TNFRSF11B: variants seen among roughly 807,000 people sequenced by gnomAD.
TNFRSF11B encodes the protein tumor necrosis factor receptor superfamily member 11B.
Under a neutral mutation model 43.4 loss-of-function variants are expected in TNFRSF11B, and 16 were observed. That is an observed-to-expected ratio of 0.37 (90% CI 0.25 to 0.56). The LOEUF (loss-of-function observed/expected upper bound fraction) is 0.56, where lower values mean the gene tolerates loss of function less well. TNFRSF11B is among the 20% of genes least tolerant of loss of function. The probability of loss-of-function intolerance (pLI) is 0.80; values close to 1 mark genes in which losing one functional copy is unlikely to be tolerated. For synonymous variants in TNFRSF11B, 185 were observed against 181.8 expected, an observed-to-expected ratio of 1.02 and a Z score of -0.14; for missense variants, 444 against 490.1, an observed-to-expected ratio of 0.91 and a Z score of 0.89.
At chr8:118,929,679 T>C (rs1812298860) in intron 2 of TNFRSF11B, among the ~76,000 whole-genome samples, 1 of 151,536 alleles carries the variant, frequency 6.6e-6, no homozygotes, top group Non-Finnish European at 1.5e-5. Context: ...GCAGAAAAAC[T>C]TGAACCAGTC....
At chr8:118,950,681 T>C (rs1490664628) in intron 1 of TNFRSF11B, among the ~76,000 whole-genome samples, 1 of 152,208 alleles carries the variant, frequency 6.6e-6, no homozygotes, top group East Asian at 1.9e-4. Flanking sequence ...TCTCTAGCGA[T>C]GAAGTTATAC....
In TNFRSF11B at chr8:118,933,271, G is replaced by T. The variant is rs1204019933; in HGVS notation, c.60C>A (p.Thr20=). 6.2e-7 allele frequency: 1 copy of T among 1,613,926 alleles called. No individual in the cohort carries two copies. Among genetic ancestry groups the T allele is most frequent in the Non-Finnish European group, 8.5e-7 (1 of 1,180,028 alleles). ...GGTACTTTGGAGGAAACGTTTCCTGGGTGGTCCACTTAATGGAGATGTCCA... is the reference window on the plus strand; with the variant it reads ...GGTACTTTGGAGGAAACGTTTCCTGTGTGGTCCACTTAATGGAGATGTCCA... ...VFLDISIKWT[T]QETFPPKYLH... Residue 20 remains threonine (T), a synonymous_variant, in exon 2 of 5, where the codon ACC becomes ACA. Coordinates refer to ENST00000297350, the MANE Select transcript of TNFRSF11B (RefSeq NM_002546.4).
chr8:118,934,842 A>G (rs1053937700), intron 1 of TNFRSF11B, among the ~76,000 whole-genome samples: 2 of 152,206 alleles, frequency 1.3e-5, no homozygotes, highest in African/African-American at 4.8e-5. Flanking sequence ...CAAGCTAGGG[A>G]AACAGCACAC....
intron 3 of TNFRSF11B, 51 bp downstream of exon 3, chr8:118,928,681 CAGAGAG>C: frequency 6.3e-7 from 1 of 1,583,514 alleles, no homozygotes; most frequent in Non-Finnish European, 8.7e-7. Flanking sequence ...GTGTTCAACT[CAGAGAG>C]AGAGATGATA....
At chr8:118,928,043 T>TGTGA (rs1175038768) in intron 3 of TNFRSF11B, among the ~76,000 whole-genome samples, 1 of 150,902 alleles carries the variant, frequency 6.6e-6, no homozygotes, top group African/African-American at 2.4e-5. Flanking sequence ...TGTGTGTGTG[T>TGTGA]GATGAAATCT....
chr8:118,931,980 C>T (rs1812336511), intron 2 of TNFRSF11B, among the ~76,000 whole-genome samples: 3 of 152,096 alleles, frequency 2.0e-5, no homozygotes, highest in Admixed American at 1.3e-4. Context: ...AGGGGTGCTG[C>T]CAAAATTCTA....
rs143749760 is a variant in TNFRSF11B at position 118,929,321 on chromosome 8, A to G, written c.401-392T>C. Among the ~76,000 whole-genome samples the G allele has an allele frequency of 6.5e-3, 989 of 152,384 alleles. 8 individuals carry two copies. The highest frequency in any genetic ancestry group is 0.014 in the Middle Eastern group (4 of 294). On this transcript the variant is annotated intron_variant, in intron 2 of 4. Transcript: ENST00000297350. Reference sequence around the variant, plus strand: ...ATAACTGCTGTGTGTCTGCTGTAATATCATTCTTTGAAATTAGTACCCATT... The same window carrying G: ...ATAACTGCTGTGTGTCTGCTGTAATGTCATTCTTTGAAATTAGTACCCATT...
intron 1 of TNFRSF11B, among the ~76,000 whole-genome samples, chr8:118,940,186 G>T (rs1963992): frequency 3.9e-5 from 6 of 151,988 alleles, no homozygotes; most frequent in Admixed American, 6.5e-5. Flanking sequence ...GTCGTGGGGT[G>T]GGGGGAGCAG....
chr8:118,939,691 A>T lies in TNFRSF11B; in HGVS notation c.31-6391T>A, dbSNP rs78728162. Among the ~76,000 whole-genome samples, 1,482 of 152,348 alleles carry T rather than the reference A, an allele frequency of 9.7e-3. 13 individuals carry two copies. Among genetic ancestry groups the T allele is most frequent in the Non-Finnish European group, 0.014 (968 of 68,040 alleles). On this transcript the variant is annotated intron_variant, in intron 1 of 4. Coordinates refer to ENST00000297350, the MANE Select transcript of TNFRSF11B (RefSeq NM_002546.4). Reference sequence around the variant, plus strand: ...GGTTTGGAACATCTATCTGCCTTCTATATGAGACTCAAGTGATGATGTCTG... The same window carrying T: ...GGTTTGGAACATCTATCTGCCTTCTTTATGAGACTCAAGTGATGATGTCTG...
chr8:118,927,204 G>T (rs1051946046), intron 3 of TNFRSF11B, among the ~76,000 whole-genome samples: 1 of 152,178 alleles, frequency 6.6e-6, no homozygotes, highest in Non-Finnish European at 1.5e-5. Context: ...GATAGATACA[G>T]ATATATAAGT....
At chr8:118,949,907 G>A (rs1812616889) in intron 1 of TNFRSF11B, among the ~76,000 whole-genome samples, 1 of 152,130 alleles carries the variant, frequency 6.6e-6, no homozygotes, top group South Asian at 2.1e-4. Context: ...GTGTCCATTT[G>A]CAATCATTTT....
Position 118,924,280 on chromosome 8 carries a change from A to C in TNFRSF11B, c.*94T>G. 1 of 1,451,182 alleles carries C rather than the reference A, an allele frequency of 6.9e-7. No individual in the cohort carries two copies. The highest frequency in any genetic ancestry group is 2.3e-5 in the East Asian group (1 of 44,090). The allele number at this position is 1,451,182 out of a possible 1,614,324, so 89.9% of individuals were successfully genotyped here. On this transcript the variant is annotated 3_prime_UTR_variant, in exon 5 of 5. Coordinates refer to ENST00000297350, the MANE Select transcript of TNFRSF11B (RefSeq NM_002546.4). ...CAAAATTAGTCACTGGTAATGAGAA[A>C]GATATCACTGAAAGCCTCAAGTGCC...
chr8:118,936,301 T>C (rs10955912), intron 1 of TNFRSF11B, among the ~76,000 whole-genome samples: 38,300 of 152,102 alleles, frequency 0.25, 5,350 homozygotes, highest in African/African-American at 0.39. Flanking sequence ...TGAGAAAGCC[T>C]TGAGAAATTA....
chr8:118,938,725 T>G (rs1002228230), intron 1 of TNFRSF11B, among the ~76,000 whole-genome samples: 1 of 152,232 alleles, frequency 6.6e-6, no homozygotes, highest in Non-Finnish European at 1.5e-5. Flanking sequence ...GACTAGCTTT[T>G]GTCCAAAGCT....
At chr8:118,925,533 CA>C (rs762622385) in intron 4 of TNFRSF11B, among the ~76,000 whole-genome samples, 11 of 152,192 alleles carry the variant, frequency 7.2e-5, no homozygotes, top group Non-Finnish European at 1.2e-4. Flanking sequence ...TTGCTCAAAA[CA>C]TAAAAGTTTA....
At chr8:118,926,934 T>C (rs1812253836) in intron 3 of TNFRSF11B, among the ~76,000 whole-genome samples, 1 of 152,248 alleles carries the variant, frequency 6.6e-6, no homozygotes, top group Non-Finnish European at 1.5e-5. Context: ...TTTTTGGGCA[T>C]TGTTTTCAAG....
intron 1 of TNFRSF11B, among the ~76,000 whole-genome samples, chr8:118,944,612 TTC>T (rs890554372): frequency 6.6e-6 from 1 of 152,112 alleles, no homozygotes; most frequent in African/African-American, 2.4e-5. Context: ...TAGTTTTTTT[TTC>T]TTTTTTTTAC....
At position 118,924,083 on chromosome 8, in the gene TNFRSF11B, G is replaced by A. The variant is rs970652012; in HGVS notation, c.*291C>T. 6.4e-6 allele frequency: 2 copies of A among 310,368 alleles called. No individual in the cohort carries two copies. The highest frequency in any genetic ancestry group is 9.3e-5 in the Admixed American group (2 of 21,590). The allele number at this position is 310,368 out of a possible 1,614,324, so 19.2% of individuals were successfully genotyped here. A position where few individuals can be genotyped will look rare whatever the true frequency, so the allele number is the denominator to read the frequency against. On this transcript the variant is annotated 3_prime_UTR_variant, in exon 5 of 5. Transcript: ENST00000297350. ...ATTCCCATATTTAGTAAGGCACAAT[G>A]GAGTCTAGTTTTTTTTTTTTAATTT...
At chr8:118,928,633 A>G in intron 3 of TNFRSF11B, 105 bp downstream of exon 3, 1 of 1,275,752 alleles carries the variant, frequency 7.8e-7, no homozygotes, top group East Asian at 2.3e-5. Context: ...CAAGAAAGGG[A>G]AAATGTAAGT....
Sources: gnomAD v4.1 joint callset for allele counts (sites outside exome capture counted in the v4.1 genomes callset) on GRCh38, gnomAD v4.1.1 for gene constraint, MANE v1.5 for transcripts, NCBI Gene and HGNC (gene_info 2026-07-23, HGNC 2026-07-21) for gene names.